CELF2: variants seen among roughly 807,000 people sequenced by gnomAD.
The protein encoded by CELF2 is CUG triplet repeat RNA-binding protein 2.
CELF2 carries 8 observed loss-of-function variants against 62.6 expected under a neutral mutation model. That is an observed-to-expected ratio of 0.13 (90% confidence interval 0.07 to 0.23). The LOEUF is 0.23. Among genes scored for constraint, CELF2 ranks in the 10% least tolerant of loss-of-function variants. The pLI, the probability that CELF2 is intolerant of heterozygous loss-of-function variation, is 1.00. For synonymous variants in CELF2, 258 were observed against 250.0 expected, an observed-to-expected ratio of 1.03 and a Z score of -0.30; for missense variants, 333 against 671.0, an observed-to-expected ratio of 0.50 and a Z score of 5.56.
At chr10:10,510,522 A>G in the CELF2 span, among the ~76,000 whole-genome samples, 1 of 152,184 alleles carries the variant, frequency 6.6e-6, no homozygotes, top group Non-Finnish European at 1.5e-5. Context: ...TATTTCATCA[A>G]TGTAGTGGTT....
At position 11,269,788 on chromosome 10, in the gene CELF2, T is replaced by C. The variant is rs1292597833; in HGVS notation, c.619-878T>C. On this transcript the variant is annotated intron_variant, in intron 6 of 12. Transcript: ENST00000633077. The surrounding 1 kb of genome is among the most constrained non-coding windows in gnomAD (Gnocchi z 4.4). ...CCTTATTATCCCTGATGATTTTATC[T>C]AGCTCAGTAGTGAATTCTGTGACCT... Among the ~76,000 whole-genome samples, 1 of 152,332 alleles carries C rather than the reference T, an allele frequency of 6.6e-6. No individual in the cohort carries two copies. The highest frequency in any genetic ancestry group is 3.4e-3 in the Middle Eastern group (1 of 294).
the CELF2 span, among the ~76,000 whole-genome samples, chr10:10,523,606 T>C: frequency 3.9e-5 from 6 of 152,224 alleles, no homozygotes; most frequent in Non-Finnish European, 7.3e-5. Context: ...TAGAAGTAAG[T>C]TGATCCTTGC....
At chr10:11,298,779 G>A (rs572321054) in intron 9 of CELF2, among the ~76,000 whole-genome samples, 38 of 152,196 alleles carry the variant, frequency 2.5e-4, no homozygotes, top group African/African-American at 7.0e-4. Flanking sequence ...GGGAAAGATC[G>A]AATCATTATT....
chr10:10,975,615 CT>C (rs1186944240), intron 2 of CELF2, among the ~76,000 whole-genome samples: 2 of 152,316 alleles, frequency 1.3e-5, no homozygotes, highest in Admixed American at 1.3e-4. Flanking sequence ...TTCACAGACA[CT>C]TGTAGGTGGT....
At chr10:10,865,566 T>C (rs2060302706) in intron 1 of CELF2, among the ~76,000 whole-genome samples, 1 of 152,194 alleles carries the variant, frequency 6.6e-6, no homozygotes, top group Admixed American at 6.5e-5. Flanking sequence ...ATTGCCTGAA[T>C]GGAAAAAATA....
chr10:11,297,982 T>TA lies in CELF2; in HGVS notation c.976+9436dup, dbSNP rs1371439222. ...AGGTGACAAGAGCAAGGCTCTATCT[T>TA]AAAAAACAAAAGAACATGAAAAATC... On this transcript the variant is annotated intron_variant, in intron 9 of 12. Coordinates refer to ENST00000633077, the MANE Select transcript of CELF2 (RefSeq NM_001326342.2). This position sits in a 1 kb window ranked among gnomAD's most constrained non-coding sequence, Gnocchi z 4.4. Among the ~76,000 whole-genome samples the TA allele has an allele frequency of 1.3e-5, 2 of 152,188 alleles. No individual in the cohort carries two copies. The highest frequency in any genetic ancestry group is 6.5e-5 in the Admixed American group (1 of 15,276).
In CELF2 at chr10:11,288,274, C is replaced by T. The variant is rs531634309; in HGVS notation, c.842-144C>T. 13 of 936,774 alleles carry T rather than the reference C, an allele frequency of 1.4e-5. No individual in the cohort carries two copies. In the South Asian group the frequency reaches 2.0e-4, roughly 15 times the overall value. The allele number at this position is 936,774 out of a possible 1,614,324, so 58.0% of individuals were successfully genotyped here. The stretch of plus-strand genomic sequence containing the variant: ...GGCCTTGGAGGAGAGGGCTGGAGAG[C>T]CCAGCTCCCACCCAGGCAGGTGACC... On this transcript the variant is annotated intron_variant, in intron 8 of 12. Transcript: ENST00000633077.
At chr10:10,984,461 A>G (rs2136472298) in intron 2 of CELF2, among the ~76,000 whole-genome samples, 1 of 152,320 alleles carries the variant, frequency 6.6e-6, no homozygotes, top group East Asian at 1.9e-4. Context: ...GGTTATGTGG[A>G]CATAAGCCTG....
At chr10:10,800,657 T>G (rs2054571604) in intron 1 of CELF2, among the ~76,000 whole-genome samples, 1 of 152,238 alleles carries the variant, frequency 6.6e-6, no homozygotes, top group South Asian at 2.1e-4. Context: ...AACAACATAA[T>G]GAACATCTTT....
At chr10:10,624,050 C>CTCT in the CELF2 span, among the ~76,000 whole-genome samples, 2 of 152,134 alleles carry the variant, frequency 1.3e-5, no homozygotes, top group African/African-American at 4.8e-5. Context: ...CTTGTCTCTG[C>CTCT]GTTTCCAATT....
In CELF2 at chr10:11,302,425, G is replaced by A. The variant is rs1224692012; in HGVS notation, c.977-11714G>A. ...GGGAGTGAGGGGAGCCCCAGGTGGT[G>A]CCGATGCGGGCGAGGCTGTAACTTT... On this transcript the variant is annotated intron_variant, in intron 9 of 12. Coordinates refer to ENST00000633077, the MANE Select transcript of CELF2 (RefSeq NM_001326342.2). The surrounding 1 kb of genome is among the most constrained non-coding windows in gnomAD (Gnocchi z 5.0). 6.6e-6 allele frequency among the ~76,000 whole-genome samples: 1 copy of A among 152,196 alleles called. No homozygotes were observed. The highest frequency in any genetic ancestry group is 2.4e-5 in the African/African-American group (1 of 41,422).
At chr10:10,921,518 T>C (rs1424877916) in intron 2 of CELF2, among the ~76,000 whole-genome samples, 1 of 152,204 alleles carries the variant, frequency 6.6e-6, no homozygotes, top group African/African-American at 2.4e-5. Context: ...TCCACCTGTC[T>C]CGGCCTCCCA....
At chr10:11,322,265 T>C (rs1311212721) in intron 11 of CELF2, among the ~76,000 whole-genome samples, 2 of 152,250 alleles carry the variant, frequency 1.3e-5, no homozygotes, top group African/African-American at 4.8e-5. Context: ...ATTGCCTTGG[T>C]CTTTGTTTAA....
intron 1 of CELF2, among the ~76,000 whole-genome samples, chr10:11,143,658 C>T (rs901620580): frequency 2.0e-5 from 3 of 152,208 alleles, no homozygotes; most frequent in African/African-American, 4.8e-5. Flanking sequence ...CACAGTTTAA[C>T]GTGCCCTGCA....
the CELF2 span, among the ~76,000 whole-genome samples, chr10:10,681,106 A>G: frequency 6.6e-6 from 1 of 152,198 alleles, no homozygotes; most frequent in Non-Finnish European, 1.5e-5. Context: ...ATAAAGTCTT[A>G]TCAGATGAAG....
intron 1 of CELF2, among the ~76,000 whole-genome samples, chr10:10,842,580 T>C (rs1444778407): frequency 6.6e-6 from 1 of 152,074 alleles, no homozygotes; most frequent in African/African-American, 2.4e-5. Flanking sequence ...CCTGTTGATA[T>C]AGTAGATTAC....
At chr10:10,613,325 A>G in the CELF2 span, among the ~76,000 whole-genome samples, 1 of 152,210 alleles carries the variant, frequency 6.6e-6, no homozygotes, top group Non-Finnish European at 1.5e-5. Flanking sequence ...TAAAATGGGT[A>G]TTTACATATA....
rs770347843 is a variant in CELF2 at position 11,257,614 on chromosome 10, G to GT, written c.404-122dup. The GT allele has an allele frequency of 1.0e-4, 103 of 1,027,634 alleles. No homozygotes were observed. The Admixed American group carries it at 1.5e-3, about 15-fold the overall frequency. The allele number at this position is 1,027,634 out of a possible 1,614,324, so 63.7% of individuals were successfully genotyped here. ...AGGAGGACAGCTGGACGTCTGCAGA[G>GT]TTGGCCTTGGGACACGTGCTTGGTC... On this transcript the variant is annotated intron_variant, in intron 4 of 12. Coordinates refer to ENST00000633077, the MANE Select transcript of CELF2 (RefSeq NM_001326342.2).
At chr10:10,857,526 G>T (rs1404136810) in intron 1 of CELF2, among the ~76,000 whole-genome samples, 1 of 151,376 alleles carries the variant, frequency 6.6e-6, no homozygotes, top group Non-Finnish European at 1.5e-5. Flanking sequence ...AGAAAACAGT[G>T]TGATATTTAA....
Sources: allele counts gnomAD v4.1 joint callset (sites outside exome capture counted in the v4.1 genomes callset), GRCh38; gene constraint gnomAD v4.1.1; non-coding constraint Gnocchi (gnomAD v3.1); transcripts MANE v1.5; gene names NCBI Gene and HGNC (gene_info 2026-07-23, HGNC 2026-07-21).